The following AGGF1 variants were observed in gnomAD, a reference collection of about 807,000 sequenced individuals.
AGGF1 encodes the protein angiogenic factor with G patch and FHA domains 1.
Under a neutral mutation model 86.5 loss-of-function variants are expected in AGGF1, and 56 were observed. The ratio of observed to expected loss-of-function variants is 0.65; its 90% CI spans 0.52 to 0.81. The LOEUF (loss-of-function observed/expected upper bound fraction) is 0.81, where lower values mean the gene tolerates loss of function less well. Among genes scored for constraint, AGGF1 ranks in the 30% least tolerant of loss-of-function variants. The probability of loss-of-function intolerance (pLI) is 0.00; values close to 1 mark genes in which losing one functional copy is unlikely to be tolerated. For missense variants in AGGF1, 816 were observed against 850.9 expected, an observed-to-expected ratio of 0.96 and a Z score of 0.51; for synonymous variants, 313 against 297.1, an observed-to-expected ratio of 1.05 and a Z score of -0.55.
At chr5:77,049,118 C>T (rs761270190) in intron 8 of AGGF1, 131 bp downstream of exon 8, 10 of 760,474 alleles carry the variant, frequency 1.3e-5, no homozygotes, top group East Asian at 8.1e-5. Flanking sequence ...GTAATAAAGG[C>T]AGTGCAGATC....
chr5:77,040,845 T>A (rs1209545600), intron 5 of AGGF1, among the ~76,000 whole-genome samples: 5 of 152,262 alleles, frequency 3.3e-5, no homozygotes, highest in Middle Eastern at 3.4e-3. Flanking sequence ...TTCTGTCCTG[T>A]CCTGTTCTGT....
At chr5:77,052,962 G>A in intron 9 of AGGF1, among the ~76,000 whole-genome samples, 155 bp downstream of exon 9, 1 of 152,190 alleles carries the variant, frequency 6.6e-6, no homozygotes, top group East Asian at 1.9e-4. Flanking sequence ...TGAAAAAAGT[G>A]TATAATCAGT....
intron 5 of AGGF1, among the ~76,000 whole-genome samples, chr5:77,042,222 A>G (rs1348993592): frequency 6.6e-6 from 1 of 151,756 alleles, no homozygotes; most frequent in East Asian, 2.0e-4. Flanking sequence ...TTCTACACAG[A>G]CACGGCAACC....
intron 2 of AGGF1, among the ~76,000 whole-genome samples, chr5:77,035,004 C>G (rs189416814): frequency 6.6e-6 from 1 of 152,244 alleles, no homozygotes; most frequent in Admixed American, 6.5e-5. Context: ...ATCATCTTTC[C>G]TATTAAGTTT....
chr5:77,042,206 A>T (rs1395897328), intron 5 of AGGF1, among the ~76,000 whole-genome samples: 2 of 151,778 alleles, frequency 1.3e-5, no homozygotes, highest in African/African-American at 2.4e-5. Flanking sequence ...TCCCATGTCT[A>T]CTTCTTTCTA....
chr5:77,030,729 G>T lies in AGGF1; in HGVS notation c.-38G>T, dbSNP rs978892651. On this transcript the variant is annotated 5_prime_UTR_variant, in exon 1 of 14. Transcript: ENST00000312916. ...CGGCGTCCGTTTCGGCCTGAACGCA[G>T]CCCCTCCGCGGCGACGAGCAGTCTC... is the stretch of plus-strand genomic sequence containing the variant. 6.5e-7 allele frequency: 1 copy of T among 1,545,626 alleles called. No individual in the cohort carries two copies. Among genetic ancestry groups the T allele is most frequent in the East Asian group, 2.4e-5 (1 of 42,168 alleles).
At chr5:77,039,952 T>G (rs575061903) in intron 5 of AGGF1, among the ~76,000 whole-genome samples, 2 of 152,228 alleles carry the variant, frequency 1.3e-5, no homozygotes, top group African/African-American at 4.8e-5. Context: ...AGATAAAATA[T>G]CTCGTATATA....
At chr5:77,043,716 G>C (rs1188094174) in intron 5 of AGGF1, among the ~76,000 whole-genome samples, 3 of 137,696 alleles carry the variant, frequency 2.2e-5, no homozygotes, top group Admixed American at 1.4e-4. Flanking sequence ...GGTGGCTGCC[G>C]GGCGGAGACG....
intron 8 of AGGF1, among the ~76,000 whole-genome samples, chr5:77,049,879 T>C (rs1416797015): frequency 3.9e-5 from 6 of 152,152 alleles, no homozygotes; most frequent in Non-Finnish European, 8.8e-5. Flanking sequence ...TTTCCTGTAC[T>C]ATGTTTTCTG....
chr5:77,055,664 A>G (rs779051431), intron 11 of AGGF1, 68 bp downstream of exon 11: 1 of 1,078,536 alleles, frequency 9.3e-7, no homozygotes, highest in Non-Finnish European at 1.4e-6. Flanking sequence ...ATGTCTTTAA[A>G]TATGCTCAGT....
chr5:77,033,429 T>C (rs1306379567), intron 1 of AGGF1, among the ~76,000 whole-genome samples: 7 of 152,216 alleles, frequency 4.6e-5, no homozygotes, highest in Non-Finnish European at 1.0e-4. Flanking sequence ...ATGTAGTAGA[T>C]ACTAAGTAAT....
In AGGF1 at chr5:77,055,352, G is replaced by A. The variant is rs947673139; in HGVS notation, c.1634-162G>A. 3.4e-4 allele frequency among the ~76,000 whole-genome samples: 51 copies of A among 152,080 alleles called. 1 individual carries two copies. The highest frequency in any genetic ancestry group is 1.2e-3 in the African/African-American group (49 of 41,418). ...GGTTTAGTTACCAAAATGCTGAAAG[G>A]ACATCATCACAACCCAATATCCTTT... On this transcript the variant is annotated intron_variant, in intron 10 of 13. Transcript: ENST00000312916.
rs1742770523 is a variant in AGGF1 at position 77,065,051 on chromosome 5, C to G, written c.*1799C>G. ...TACTGAATAATGTCTGGGTCTATTT[C>G]CATCTGTAAAATAAGAATATTTGTC... On this transcript the variant is annotated 3_prime_UTR_variant, in exon 14 of 14. Coordinates refer to ENST00000312916, the MANE Select transcript of AGGF1 (RefSeq NM_018046.5). The G allele has an allele frequency of 6.6e-6, 1 of 152,126 alleles. No individual in the cohort carries two copies. Among genetic ancestry groups the G allele is most frequent in the African/African-American group, 2.4e-5 (1 of 41,408 alleles). 9.4% of individuals were successfully genotyped at this position (152,126 alleles called of 1,614,324 possible). A position where few individuals can be genotyped will look rare whatever the true frequency, so the allele number is the denominator to read the frequency against.
rs751628797 is a variant in AGGF1, at chr5:77,054,121, G to T, written c.1624G>T (p.Glu542Ter). Reference protein sequence around the residue: ...RAHLRLDKKDESFVGPTLSKE... With the variant: ...RAHLRLDKKD The stretch of plus-strand genomic sequence containing the variant: ...CCACCTTCGCCTTGATAAGAAAGAT[G>T]AATCTTTTGGTATGTGAAACAGATT... The change falls in exon 10 of 14, where the codon GAA becomes TAA. Residue 542 changes from glutamate (E) to a stop codon, truncating the protein, a stop_gained. Coordinates refer to ENST00000312916, the MANE Select transcript of AGGF1 (RefSeq NM_018046.5). LOFTEE classifies it high-confidence loss of function. 10 of 1,613,988 alleles carry T rather than the reference G, an allele frequency of 6.2e-6. No individual in the cohort carries two copies. In the South Asian group the frequency reaches 1.1e-4, roughly 18 times the overall value.
At position 77,054,140 on chromosome 5, in the gene AGGF1, A is replaced by G. The variant is rs1398148589; in HGVS notation, c.1633+10A>G. 3 of 1,613,946 alleles carry G rather than the reference A, an allele frequency of 1.9e-6. No homozygotes were observed. The highest frequency in any genetic ancestry group is 2.5e-6 in the Non-Finnish European group (3 of 1,179,984). ...AAAGATGAATCTTTTGGTATGTGAAACAGATTAAATGTGGCTGTGATAACA... is the reference window on the plus strand; with the variant it reads ...AAAGATGAATCTTTTGGTATGTGAAGCAGATTAAATGTGGCTGTGATAACA... On this transcript the variant is annotated intron_variant, in intron 10 of 13. Transcript: ENST00000312916.
intron 5 of AGGF1, among the ~76,000 whole-genome samples, chr5:77,041,354 G>A (rs952339858): frequency 6.6e-6 from 1 of 152,066 alleles, no homozygotes; most frequent in Non-Finnish European, 1.5e-5. Context: ...GTTGCCTGAG[G>A]TCAGGAGTTC....
chr5:77,030,705 G>A lies in AGGF1; in HGVS notation c.-62G>A. On this transcript the variant is annotated 5_prime_UTR_variant, in exon 1 of 14. Transcript: ENST00000312916. ...CGCTCCAGTGGTCTCTGGGTCCGCC[G>A]GCGTCCGTTTCGGCCTGAACGCAGC... 8 of 1,520,656 alleles carry A rather than the reference G, an allele frequency of 5.3e-6. No individual in the cohort carries two copies. The highest frequency in any genetic ancestry group is 7.1e-6 in the Non-Finnish European group (8 of 1,134,694). 94.2% of individuals were successfully genotyped at this position (1,520,656 alleles called of 1,614,324 possible).
At position 77,046,334 on chromosome 5, in the gene AGGF1, C is replaced by T. The variant is rs1293901142; in HGVS notation, c.871-13C>T. On this transcript the variant is annotated splice_polypyrimidine_tract_variant and intron_variant, in intron 5 of 13. Transcript: ENST00000312916. ...TCTCCCCTGTTCCCTCGTATCTACC[C>T]ACCCTTCTCCAGGATTTGAACTCAG... The T allele has an allele frequency of 4.4e-6, 7 of 1,604,866 alleles. No individual in the cohort carries two copies. In the African/African-American group the frequency reaches 8.0e-5, roughly 18 times the overall value.
intron 5 of AGGF1, among the ~76,000 whole-genome samples, chr5:77,043,527 GC>G (rs1476360019): frequency 2.0e-5 from 2 of 101,822 alleles, no homozygotes; most frequent in East Asian, 6.3e-4. Context: ...GGCTGGCCGG[GC>G]GGGGGGCTGA....
Sources: gnomAD v4.1 joint callset for allele counts (sites outside exome capture counted in the v4.1 genomes callset) on GRCh38, gnomAD v4.1.1 for gene constraint, MANE v1.5 for transcripts, NCBI Gene and HGNC (gene_info 2026-07-23, HGNC 2026-07-21) for gene names.